CDK14: variants seen among roughly 807,000 people sequenced by gnomAD.
CDK14 encodes cyclin dependent kinase 14, also known as cyclin-dependent kinase 14.
CDK14 carries 34 observed loss-of-function variants against 60.7 expected under a neutral mutation model. The ratio of observed to expected loss-of-function variants is 0.56; its 90% CI spans 0.43 to 0.75. CDK14 has a LOEUF of 0.75. Ranked by LOEUF, CDK14 falls within the 30% of genes least tolerant of loss-of-function variation. The probability of loss-of-function intolerance (pLI) is 0.00; values close to 1 mark genes in which losing one functional copy is unlikely to be tolerated. For missense variants in CDK14, 482 were observed against 564.1 expected (o/e 0.85, Z 1.47); for synonymous variants, 197 against 203.7 (o/e 0.97, Z 0.28).
At chr7:90,803,982 T>C (rs1276205133) in intron 5 of CDK14, among the ~76,000 whole-genome samples, 1 of 152,220 alleles carries the variant, frequency 6.6e-6, no homozygotes, top group Non-Finnish European at 1.5e-5. Context: ...TGATAGGCAC[T>C]CAGGGTATGT....
At chr7:90,860,965 A>T (rs1484147081) in intron 5 of CDK14, among the ~76,000 whole-genome samples, 1 of 152,122 alleles carries the variant, frequency 6.6e-6, no homozygotes, top group African/African-American at 2.4e-5. Context: ...TTTTTAGAGG[A>T]GTAGATACCC....
chr7:91,071,451 C>T (rs1365256333), intron 11 of CDK14, among the ~76,000 whole-genome samples: 1 of 152,198 alleles, frequency 6.6e-6, no homozygotes, highest in Non-Finnish European at 1.5e-5. Flanking sequence ...ACCCCTCACC[C>T]CCCCAGCCAA....
chr7:91,141,262 A>T (rs964597240), intron 14 of CDK14, among the ~76,000 whole-genome samples: 2 of 152,168 alleles, frequency 1.3e-5, no homozygotes, highest in Non-Finnish European at 2.9e-5. Context: ...TCATGTAGTT[A>T]GAGTGGTGGG....
In CDK14 at chr7:90,931,724, T is replaced by C. The variant is rs149723028; in HGVS notation, c.826+14000T>C. Among the ~76,000 whole-genome samples the C allele has an allele frequency of 1.8e-4, 27 of 152,304 alleles. 1 individual carries two copies. The highest frequency in any genetic ancestry group is 6.3e-4 in the African/African-American group (26 of 41,580). The stretch of plus-strand genomic sequence containing the variant: ...ACCATGCTTGGTTGGTTTAGAGAAA[T>C]AAAAGATCAGGAGGGACTAGAGAAA... On this transcript the variant is annotated intron_variant, in intron 8 of 14. Coordinates refer to ENST00000380050, the MANE Select transcript of CDK14 (RefSeq NM_001287135.2).
Position 90,630,888 on chromosome 7 carries a change from A to ATGTGTGTGTGTGTGTGTG in CDK14, c.123+26651_123+26668dup, listed in dbSNP as rs55859300. On this transcript the variant is annotated intron_variant, in intron 2 of 14. Coordinates refer to ENST00000380050, the MANE Select transcript of CDK14 (RefSeq NM_001287135.2). ...TGAGTATTTACATCTTGGGGTGTGT[A>ATGTGTGTGTGTGTGTGTG]TGTGTGTGTGTGTGTGTGTGTGTGT... Among the ~76,000 whole-genome samples the ATGTGTGTGTGTGTGTGTG allele has an allele frequency of 2.7e-3, 407 of 148,462 alleles. 2 individuals are homozygous for ATGTGTGTGTGTGTGTGTG. Among genetic ancestry groups the ATGTGTGTGTGTGTGTGTG allele is most frequent in the East Asian group, 0.013 (63 of 4,974 alleles).
intron 14 of CDK14, among the ~76,000 whole-genome samples, chr7:91,203,605 T>C (rs1179839278): frequency 6.6e-6 from 1 of 152,090 alleles, no homozygotes; most frequent in African/African-American, 2.4e-5. Context: ...TTGGATATAG[T>C]TGTAGGAACT....
rs150638443 is a variant in CDK14, at chr7:91,076,487, A to G, written c.1106-2945A>G. ...ACTGGACCCCTTCCTTACACCTTAT[A>G]CAAAAATTAACTCAAAATGAATTAA... On this transcript the variant is annotated intron_variant, in intron 11 of 14. Transcript: ENST00000380050. 4.3e-3 allele frequency among the ~76,000 whole-genome samples: 661 copies of G among 152,252 alleles called. 4 individuals carry two copies. The highest frequency in any genetic ancestry group is 0.015 in the African/African-American group (638 of 41,532).
chr7:91,099,651 TC>T (rs1180939929), intron 12 of CDK14, among the ~76,000 whole-genome samples: 2 of 152,132 alleles, frequency 1.3e-5, no homozygotes, highest in Non-Finnish European at 2.9e-5. Context: ...TTCACAGCAG[TC>T]CTGTGAAGTA....
At chr7:90,844,834 C>T (rs1292567384) in intron 5 of CDK14, among the ~76,000 whole-genome samples, 2 of 152,092 alleles carry the variant, frequency 1.3e-5, no homozygotes, top group East Asian at 3.9e-4. Context: ...AATGTATTGT[C>T]TCACACAGTA....
At chr7:90,810,415 T>A (rs533420219) in intron 5 of CDK14, among the ~76,000 whole-genome samples, 1 of 152,266 alleles carries the variant, frequency 6.6e-6, no homozygotes, top group South Asian at 2.1e-4. Context: ...TTGACAAAAT[T>A]CAACAACCCT....
At chr7:90,841,732 A>G (rs1351427988) in intron 5 of CDK14, among the ~76,000 whole-genome samples, 1 of 151,422 alleles carries the variant, frequency 6.6e-6, no homozygotes, top group Non-Finnish European at 1.5e-5. Flanking sequence ...AGCTGGGAAG[A>G]TTCTAGTGAC....
chr7:90,873,814 C>T (rs76101083), intron 6 of CDK14, among the ~76,000 whole-genome samples: 3,356 of 152,074 alleles, frequency 0.022, 114 homozygotes, highest in African/African-American at 0.076. Context: ...CAATGCAAAG[C>T]GAGAATTTGG....
At chr7:91,150,180 G>C (rs1372298040) in intron 14 of CDK14, among the ~76,000 whole-genome samples, 1 of 152,200 alleles carries the variant, frequency 6.6e-6, no homozygotes, top group East Asian at 1.9e-4. Flanking sequence ...CTGGTCAGGA[G>C]GAAGTGGAAG....
intron 12 of CDK14, among the ~76,000 whole-genome samples, chr7:91,108,290 G>A (rs780921490): frequency 5.9e-5 from 9 of 152,206 alleles, no homozygotes; most frequent in Non-Finnish European, 1.0e-4. Context: ...CTGGGCAGCA[G>A]AGTGAGACTC....
intron 9 of CDK14, among the ~76,000 whole-genome samples, chr7:90,975,689 TC>T (rs1795050654): frequency 6.6e-6 from 1 of 152,146 alleles, no homozygotes; most frequent in South Asian, 2.1e-4. Context: ...CCCTATACTT[TC>T]CTTCACTACC....
At chr7:90,987,366 A>G (rs1027208632) in intron 10 of CDK14, among the ~76,000 whole-genome samples, 5 of 152,052 alleles carry the variant, frequency 3.3e-5, no homozygotes, top group African/African-American at 1.2e-4. Context: ...GATAAGCATC[A>G]TGATTTATGG....
At chr7:90,735,352 G>A (rs113435906) in intron 3 of CDK14, among the ~76,000 whole-genome samples, 23,554 of 152,190 alleles carry the variant, frequency 0.15, 1,941 homozygotes, top group Middle Eastern at 0.25. Context: ...TGGGAGATCC[G>A]CTGCTCTCTT....
intron 7 of CDK14, among the ~76,000 whole-genome samples, chr7:90,900,478 A>G (rs2117356477): frequency 6.6e-6 from 1 of 152,310 alleles, no homozygotes; most frequent in African/African-American, 2.4e-5. Context: ...GTCTATGTTC[A>G]ATTCCAACTC....
intron 7 of CDK14, among the ~76,000 whole-genome samples, chr7:90,915,938 A>G (rs1036600308): frequency 1.3e-5 from 2 of 152,238 alleles, no homozygotes; most frequent in African/African-American, 4.8e-5. Context: ...AAACACTTAC[A>G]TTCTGATAAG....
Sources: allele counts gnomAD v4.1 joint callset (sites outside exome capture counted in the v4.1 genomes callset), GRCh38; gene constraint gnomAD v4.1.1; transcripts MANE v1.5; gene names NCBI Gene and HGNC (gene_info 2026-07-23, HGNC 2026-07-21).